RBFOX2: variants seen among roughly 807,000 people sequenced by gnomAD.
The protein encoded by RBFOX2 is RNA binding protein fox-1 homolog 2.
Under a neutral mutation model 49.1 loss-of-function variants are expected in RBFOX2, and 10 were observed. The observed-to-expected ratio is 0.20, with a 90% CI of 0.13 to 0.35. The LOEUF is 0.35. RBFOX2 is among the 10% of genes least tolerant of loss of function. The pLI, the probability that RBFOX2 is intolerant of heterozygous loss-of-function variation, is 1.00. For missense variants in RBFOX2, 323 were observed against 486.9 expected (o/e 0.66, Z 3.17); for synonymous variants, 183 against 187.4 (o/e 0.98, Z 0.19).
In RBFOX2 at chr22:35,954,259, A is replaced by T. The variant is rs573909593; in HGVS notation, c.42+7304T>A. Among the ~76,000 whole-genome samples, 8 of 152,354 alleles carry T rather than the reference A, an allele frequency of 5.3e-5. No individual in the cohort carries two copies. In the South Asian group the frequency reaches 1.7e-3, roughly 32 times the overall value. On this transcript the variant is annotated intron_variant, in intron 1 of 5. Coordinates refer to the RBFOX2 transcript ENST00000408983. ...TACTTAACTAGAAAAAAATGGAGATAATAACAACACCTACCTCAGGGAAGC... is the reference window on the plus strand; with the variant it reads ...TACTTAACTAGAAAAAAATGGAGATTATAACAACACCTACCTCAGGGAAGC...
intron 2 of RBFOX2, among the ~76,000 whole-genome samples, chr22:35,796,161 T>C (rs1245521809): frequency 6.6e-6 from 1 of 152,134 alleles, no homozygotes; most frequent in East Asian, 1.9e-4. Context: ...AATCTTCTAT[T>C]TACATCCCCA....
intron 1 of RBFOX2, among the ~76,000 whole-genome samples, chr22:35,959,606 C>A (rs2055978361): frequency 6.6e-6 from 1 of 152,196 alleles, no homozygotes; most frequent in Non-Finnish European, 1.5e-5. Flanking sequence ...ACAGTGGCGT[C>A]TGAGATTTCT....
chr22:35,857,419 A>G (rs2042635905), intron 1 of RBFOX2, among the ~76,000 whole-genome samples: 1 of 152,228 alleles, frequency 6.6e-6, no homozygotes, highest in South Asian at 2.1e-4. Flanking sequence ...CATCCACAGT[A>G]ATTGAAGACT....
chr22:35,764,467 C>T (rs1183158280), intron 6 of RBFOX2, among the ~76,000 whole-genome samples: 1 of 151,882 alleles, frequency 6.6e-6, no homozygotes, highest in Non-Finnish European at 1.5e-5. Context: ...GCCTGTAGTC[C>T]CAGCTACTCG....
chr22:35,816,066 G>A (rs1487419142), intron 1 of RBFOX2, among the ~76,000 whole-genome samples: 2 of 151,950 alleles, frequency 1.3e-5, no homozygotes, highest in Admixed American at 6.6e-5. Flanking sequence ...TCTAGGATCC[G>A]TTTTTTTAAA....
At chr22:35,802,608 G>A (rs1175203047) in intron 2 of RBFOX2, among the ~76,000 whole-genome samples, 1 of 152,140 alleles carries the variant, frequency 6.6e-6, no homozygotes, top group Non-Finnish European at 1.5e-5. Flanking sequence ...TTGGGACAAG[G>A]GGGAGATTGA....
chr22:35,945,965 C>T (rs910568073), intron 1 of RBFOX2, among the ~76,000 whole-genome samples: 5 of 152,160 alleles, frequency 3.3e-5, no homozygotes, highest in Non-Finnish European at 7.4e-5. Context: ...TTATTTGTTA[C>T]ATTCACTACT....
intron 1 of RBFOX2, among the ~76,000 whole-genome samples, chr22:35,908,607 T>A (rs1044332155): frequency 5.9e-5 from 9 of 152,338 alleles, no homozygotes; most frequent in African/African-American, 2.2e-4. Flanking sequence ...CAGAAAACTG[T>A]TAAGCAGAAC....
At chr22:36,025,480 A>T (rs920557453) in intron 1 of RBFOX2, among the ~76,000 whole-genome samples, 1 of 152,154 alleles carries the variant, frequency 6.6e-6, no homozygotes, top group Non-Finnish European at 1.5e-5. Flanking sequence ...ATTCAATATT[A>T]GTTCCATGAC....
intron 1 of RBFOX2, among the ~76,000 whole-genome samples, chr22:35,951,412 A>G (rs1292221948): frequency 6.6e-6 from 1 of 150,708 alleles, no homozygotes; most frequent in Non-Finnish European, 1.5e-5. Context: ...CACCCGGCTA[A>G]TTCTGTATTT....
chr22:35,850,655 AC>A (rs1358318695), intron 1 of RBFOX2, among the ~76,000 whole-genome samples: 1 of 152,170 alleles, frequency 6.6e-6, no homozygotes. Flanking sequence ...ATACAAATAC[AC>A]ATGTGCACAC....
At chr22:35,806,279 A>T (rs1950713106) in intron 2 of RBFOX2, among the ~76,000 whole-genome samples, 1 of 152,122 alleles carries the variant, frequency 6.6e-6, no homozygotes. Flanking sequence ...TGTGAACCTA[A>T]AACTGCTCTA....
At chr22:35,810,380 CT>C (rs1603248483) in intron 1 of RBFOX2, among the ~76,000 whole-genome samples, 1 of 152,124 alleles carries the variant, frequency 6.6e-6, no homozygotes, top group African/African-American at 2.4e-5. Context: ...GAGAGAGACT[CT>C]GTCCCTAAAA....
intron 1 of RBFOX2, among the ~76,000 whole-genome samples, chr22:36,009,411 T>C (rs905814709): frequency 6.6e-6 from 1 of 152,168 alleles, no homozygotes; most frequent in Non-Finnish European, 1.5e-5. Context: ...TTTCGCTCTG[T>C]TGCCCAGCCT....
At chr22:35,853,064 C>T (rs1416425979) in intron 1 of RBFOX2, among the ~76,000 whole-genome samples, 2 of 151,922 alleles carry the variant, frequency 1.3e-5, no homozygotes, top group East Asian at 1.9e-4. Context: ...AAGGCCAAGG[C>T]GAGCGGATCA....
chr22:35,881,787 T>C (rs1407968157), intron 1 of RBFOX2, among the ~76,000 whole-genome samples: 1 of 151,762 alleles, frequency 6.6e-6, no homozygotes, highest in Non-Finnish European at 1.5e-5. Flanking sequence ...GGTGAAACCC[T>C]GTCTCTAATA....
chr22:35,822,827 C>CTT (rs57822436), intron 1 of RBFOX2: 944 of 387,590 alleles, frequency 2.4e-3, no homozygotes, highest in South Asian at 3.7e-3. Context: ...TTTGGGTTGT[C>CTT]TTTTTTTTTT....
chr22:35,937,348 GCCC>G (rs1170673653), intron 1 of RBFOX2, among the ~76,000 whole-genome samples: 15 of 152,066 alleles, frequency 9.9e-5, no homozygotes, highest in African/African-American at 3.6e-4. Context: ...AGGGTAAATG[GCCC>G]TATCTTTTAC....
chr22:35,770,303 CAT>C (rs1229577941), intron 4 of RBFOX2, among the ~76,000 whole-genome samples: 2 of 152,190 alleles, frequency 1.3e-5, no homozygotes, highest in East Asian at 3.9e-4. Context: ...TCCTTACAGT[CAT>C]ATATTTTATG....
Sources: gnomAD v4.1 joint callset for allele counts (sites outside exome capture counted in the v4.1 genomes callset) on GRCh38, gnomAD v4.1.1 for gene constraint, MANE v1.5 for transcripts, NCBI Gene and HGNC (gene_info 2026-07-23, HGNC 2026-07-21) for gene names.